The following IPO7 variants were observed in gnomAD, a reference collection of about 807,000 sequenced individuals.
The protein encoded by IPO7 is importin-7.
A neutral mutation model predicts 136.4 loss-of-function variants in IPO7; 13 were observed. The ratio of observed to expected loss-of-function variants is 0.10; its 90% CI spans 0.06 to 0.15. IPO7 has a LOEUF of 0.15. Ranked by LOEUF, IPO7 falls within the 10% of genes least tolerant of loss-of-function variation. The pLI, the probability that IPO7 is intolerant of heterozygous loss-of-function variation, is 1.00. For synonymous variants in IPO7, 403 were observed against 404.4 expected (o/e 1.00, Z 0.04); for missense variants, 857 against 1,240.6 (o/e 0.69, Z 4.65).
At chr11:9,440,705 C>G (rs942431248) in intron 23 of IPO7, 44 bp downstream of exon 23, 2 of 1,402,774 alleles carry the variant, frequency 1.4e-6, no homozygotes, top group Non-Finnish European at 1.0e-6. Context: ...TTGAACAAAT[C>G]TGTTGTAGTT....
intron 5 of IPO7, 125 bp downstream of exon 5, chr11:9,414,536 T>A: frequency 5.0e-6 from 3 of 597,994 alleles, no homozygotes; most frequent in Non-Finnish European, 8.0e-6. Flanking sequence ...AGTGGATGAT[T>A]TTCTAGCAAA....
Position 9,408,614 on chromosome 11 carries a change from A to C in IPO7, c.295A>C (p.Ile99Leu). ...HCIRENIVEAIIHSPELIRVQ... is the reference protein window; with the variant it reads ...HCIRENIVEALIHSPELIRVQ... The stretch of plus-strand genomic sequence containing the variant: ...TATTCGAGAAAATATTGTAGAAGCC[A>C]TTATCCATTCTCCTGAGCTCATCAG... Residue 99 changes from isoleucine to leucine, a missense_variant, in exon 3 of 25, where the codon ATT becomes CTT. Around this residue, in one of 11 missense-constraint regions of IPO7, gnomAD observed 287 missense variants for 307.5 expected, o/e 0.93. Coordinates refer to ENST00000379719, the MANE Select transcript of IPO7 (RefSeq NM_006391.3). 1 of 1,606,968 alleles carries C rather than the reference A, an allele frequency of 6.2e-7. No homozygotes were observed. Among genetic ancestry groups the C allele is most frequent in the Non-Finnish European group, 8.5e-7 (1 of 1,177,402 alleles).
At chr11:9,439,416 G>A (rs1487410860) in intron 22 of IPO7, among the ~76,000 whole-genome samples, 2 of 151,492 alleles carry the variant, frequency 1.3e-5, no homozygotes, top group African/African-American at 2.4e-5. Flanking sequence ...GCACTGAGCC[G>A]TGAAACCCCA....
rs374529152 is a variant in IPO7, at chr11:9,427,452, G to C, written c.1336-1088G>C. 7.9e-5 allele frequency among the ~76,000 whole-genome samples: 12 copies of C among 152,108 alleles called. No homozygotes were observed. The South Asian group carries it at 2.1e-3, about 26-fold the overall frequency. On this transcript the variant is annotated intron_variant, in intron 12 of 24. Transcript: ENST00000379719. ...TTTTTGTATTTTCAGTAGAGATGGG[G>C]TTTCACCATGTTGGCCTGGCTGGTC...
intron 1 of IPO7, among the ~76,000 whole-genome samples, chr11:9,398,958 A>C (rs1854754014): frequency 6.6e-6 from 1 of 152,166 alleles, no homozygotes; most frequent in African/African-American, 2.4e-5. Context: ...GGCTGAAGAA[A>C]ATGGCAGGGA....
chr11:9,433,588 G>A lies in IPO7; in HGVS notation c.1900G>A (p.Gly634Arg), dbSNP rs1361206279. 6.2e-7 allele frequency: 1 copy of A among 1,612,086 alleles called. No homozygotes were observed. The highest frequency in any genetic ancestry group is 8.5e-7 in the Non-Finnish European group (1 of 1,179,718). Residue 634 changes from glycine (G) to arginine (R), a missense_variant, in exon 17 of 25, where the codon GGA becomes AGA. Around this residue, in one of 11 missense-constraint regions of IPO7, gnomAD observed 190 missense variants for 249.0 expected, o/e 0.76. Coordinates refer to ENST00000379719, the MANE Select transcript of IPO7 (RefSeq NM_006391.3). ...CTTTTAGATAACCCAACAGCTTGAGGGAATCTGCTTACAGGTCATTGGTAC... is the reference window on the plus strand; with the variant it reads ...CTTTTAGATAACCCAACAGCTTGAGAGAATCTGCTTACAGGTCATTGGTAC... ...DHKEITQQLE[G>R]ICLQVIGTVL...
chr11:9,403,556 T>C (rs893632889), intron 2 of IPO7, 185 bp downstream of exon 2: 4 of 528,324 alleles, frequency 7.6e-6, no homozygotes, highest in African/African-American at 2.0e-5. Flanking sequence ...AAGGAATAAT[T>C]TGACATTTAG....
intron 9 of IPO7, 80 bp downstream of exon 9, chr11:9,423,220 A>G: frequency 2.1e-6 from 2 of 943,456 alleles, no homozygotes; most frequent in South Asian, 2.1e-5. Context: ...GAAAAATTGC[A>G]TGTTTGTTGA....
chr11:9,422,819 A>G (rs1855153370), intron 8 of IPO7, among the ~76,000 whole-genome samples, 187 bp from the exon 9 acceptor site: 2 of 152,314 alleles, frequency 1.3e-5, no homozygotes, highest in Admixed American at 1.3e-4. Context: ...AAAAACGAAG[A>G]TAGTATATAG....
At chr11:9,406,461 G>C (rs1784848175) in intron 2 of IPO7, among the ~76,000 whole-genome samples, 1 of 151,982 alleles carries the variant, frequency 6.6e-6, no homozygotes, top group Admixed American at 6.6e-5. Flanking sequence ...CTAGAGACTT[G>C]GTTATGTGTA....
chr11:9,417,577 CACAT>C (rs1407476913), intron 6 of IPO7, among the ~76,000 whole-genome samples: 1 of 152,176 alleles, frequency 6.6e-6, no homozygotes, highest in Admixed American at 6.5e-5. Flanking sequence ...AGAAATAACT[CACAT>C]ACAGTAAAAT....
At chr11:9,442,865 T>TA (rs1267687698) in intron 24 of IPO7, among the ~76,000 whole-genome samples, 1 of 151,740 alleles carries the variant, frequency 6.6e-6, no homozygotes, top group African/African-American at 2.4e-5. Flanking sequence ...TCTACTAAAA[T>TA]ACAAAAAACT....
At chr11:9,414,060 GA>G (rs899569456) in intron 4 of IPO7, among the ~76,000 whole-genome samples, 194 bp from the exon 5 acceptor site, 1 of 152,026 alleles carries the variant, frequency 6.6e-6, no homozygotes, top group Non-Finnish European at 1.5e-5. Context: ...TACATGTTCA[GA>G]AAATACTGGA....
intron 10 of IPO7, among the ~76,000 whole-genome samples, chr11:9,424,303 A>G (rs1051442280): frequency 6.6e-6 from 1 of 152,194 alleles, no homozygotes; most frequent in African/African-American, 2.4e-5. Flanking sequence ...TTACCAAGTC[A>G]TTTGTGCTTT....
chr11:9,426,993 C>A (rs1282778674), intron 12 of IPO7, among the ~76,000 whole-genome samples: 1 of 151,958 alleles, frequency 6.6e-6, no homozygotes, highest in African/African-American at 2.4e-5. Context: ...ATTCTCATGC[C>A]TCAGGTGCCT....
chr11:9,417,233 T>A, intron 6 of IPO7, 85 bp downstream of exon 6: 1 of 594,422 alleles, frequency 1.7e-6, no homozygotes, highest in Non-Finnish European at 3.0e-6. Context: ...TCCTGTAACA[T>A]TCTTTATGAA....
chr11:9,408,900 G>C (rs1331358779), intron 3 of IPO7, among the ~76,000 whole-genome samples: 1 of 151,464 alleles, frequency 6.6e-6, no homozygotes, highest in African/African-American at 2.4e-5. Context: ...TTTTAGTAGA[G>C]ACAGGGTTTC....
At chr11:9,412,040 T>C (rs1395610909) in intron 4 of IPO7, among the ~76,000 whole-genome samples, 1 of 152,236 alleles carries the variant, frequency 6.6e-6, no homozygotes, top group African/African-American at 2.4e-5. Context: ...TATAATCAGA[T>C]TGGAGAGTGC....
At chr11:9,390,187 G>A (rs927567121) in intron 1 of IPO7, among the ~76,000 whole-genome samples, 9 of 152,100 alleles carry the variant, frequency 5.9e-5, no homozygotes, top group African/African-American at 1.9e-4. Context: ...CACCGTGCCC[G>A]GCCTAATGGT....
Sources: allele counts gnomAD v4.1 joint callset (sites outside exome capture counted in the v4.1 genomes callset), GRCh38; gene constraint gnomAD v4.1.1; regional missense constraint gnomAD v4.1.1; transcripts MANE v1.5; gene names NCBI Gene and HGNC (gene_info 2026-07-23, HGNC 2026-07-21).